SLCO3A1: variants seen among roughly 807,000 people sequenced by gnomAD.
SLCO3A1 encodes solute carrier organic anion transporter family member 3A1.
SLCO3A1 carries 27 observed loss-of-function variants against 63.1 expected under a neutral mutation model. That is an observed-to-expected ratio of 0.43 (90% CI 0.32 to 0.59). The LOEUF is 0.59. Ranked by LOEUF, SLCO3A1 falls within the 20% of genes least tolerant of loss-of-function variation. The pLI is 0.09. For synonymous variants in SLCO3A1, 473 were observed against 409.9 expected (o/e 1.15, Z -1.86); for missense variants, 773 against 945.8 (o/e 0.82, Z 2.40).
At chr15:92,052,137 A>C (rs1004107635) in intron 2 of SLCO3A1, among the ~76,000 whole-genome samples, 1 of 152,040 alleles carries the variant, frequency 6.6e-6, no homozygotes, top group Non-Finnish European at 1.5e-5. Context: ...CAAGCTGCTG[A>C]GTGTGCACAG....
intron 2 of SLCO3A1, among the ~76,000 whole-genome samples, chr15:92,012,990 C>G (rs990200079): frequency 6.6e-6 from 1 of 152,118 alleles, no homozygotes; most frequent in Non-Finnish European, 1.5e-5. Flanking sequence ...ATTAAAAGAC[C>G]CTGCGTCACA....
rs919717947 is a variant in SLCO3A1, at chr15:91,863,815, T to C, written c.180+9727T>C. ...TCCTGACTTATTGTGTGGCATGTCGTGTCGCCTCCCCAGTGCTGGTACATA... is the reference window on the plus strand; with the variant it reads ...TCCTGACTTATTGTGTGGCATGTCGCGTCGCCTCCCCAGTGCTGGTACATA... On this transcript the variant is annotated intron_variant, in intron 1 of 9. Transcript: ENST00000318445. The surrounding 1 kb of genome is among the most constrained non-coding windows in gnomAD (Gnocchi z 4.3). Among the ~76,000 whole-genome samples, 6 of 152,220 alleles carry C rather than the reference T, an allele frequency of 3.9e-5. No individual in the cohort carries two copies. Among genetic ancestry groups the C allele is most frequent in the African/African-American group, 1.4e-4 (6 of 41,458 alleles).
Position 91,916,440 on chromosome 15 carries a change from G to A in SLCO3A1, c.628G>A (p.Asp210Asn), listed in dbSNP as rs769549625. The change falls in exon 2 of 10, where the codon GAC (aspartate) becomes AAC (asparagine). Residue 210 changes from aspartate to asparagine, a missense_variant. This residue lies in a region of SLCO3A1 where 565 missense variants were observed against 749.8 expected (regional missense o/e 0.75). Transcript: ENST00000318445. The surrounding 1 kb of genome is among the most constrained non-coding windows in gnomAD (Gnocchi z 6.2). ...CATCGACGACCACGTGCGGAGGAAG[G>A]ACTCCTCGCTCTATATAGGTAGGAG... is the stretch of plus-strand genomic sequence containing the variant. ...SYIDDHVRRKDSSLYIGILFT... is the reference protein window; with the variant it reads ...SYIDDHVRRKNSSLYIGILFT... The A allele has an allele frequency of 6.2e-7, 1 of 1,610,140 alleles. No individual in the cohort carries two copies. Among genetic ancestry groups the A allele is most frequent in the Non-Finnish European group, 8.5e-7 (1 of 1,178,432 alleles).
intron 5 of SLCO3A1, among the ~76,000 whole-genome samples, chr15:92,121,149 A>C (rs936204458): frequency 6.6e-6 from 1 of 152,108 alleles, no homozygotes; most frequent in African/African-American, 2.4e-5. Context: ...ACAGGTTTCT[A>C]CTCCCAATTG....
intron 4 of SLCO3A1, among the ~76,000 whole-genome samples, chr15:92,111,490 T>C (rs2047729327): frequency 6.6e-6 from 1 of 152,172 alleles, no homozygotes; most frequent in African/African-American, 2.4e-5. Flanking sequence ...GGAGACCATA[T>C]GCCCTCCCAA....
rs1400343474 is a variant in SLCO3A1 at position 91,865,919 on chromosome 15, A to G, written c.180+11831A>G. 2.0e-5 allele frequency among the ~76,000 whole-genome samples: 3 copies of G among 152,248 alleles called. No individual in the cohort carries two copies. The highest frequency in any genetic ancestry group is 7.2e-5 in the African/African-American group (3 of 41,476). ...AACAGTCTGTGTGTACAAAGAAAAC[A>G]AAGGCAAACTCTGTCTTCTTAAGTG... On this transcript the variant is annotated intron_variant, in intron 1 of 9. Coordinates refer to ENST00000318445, the MANE Select transcript of SLCO3A1 (RefSeq NM_013272.4). This position sits in a 1 kb window ranked among gnomAD's most constrained non-coding sequence, Gnocchi z 4.6.
intron 2 of SLCO3A1, among the ~76,000 whole-genome samples, chr15:92,057,107 C>T (rs1435950881): frequency 6.6e-6 from 1 of 152,214 alleles, no homozygotes; most frequent in Non-Finnish European, 1.5e-5. Flanking sequence ...TCTGCTGTGC[C>T]CGTCTCAGGA....
At chr15:92,089,444 C>T (rs1016801948) in intron 2 of SLCO3A1, among the ~76,000 whole-genome samples, 8 of 152,206 alleles carry the variant, frequency 5.3e-5, no homozygotes, top group African/African-American at 1.9e-4. Flanking sequence ...GGTACTGCTC[C>T]TGATATCATG....
intron 2 of SLCO3A1, among the ~76,000 whole-genome samples, chr15:91,990,523 T>C (rs554196041): frequency 2.0e-5 from 3 of 152,180 alleles, no homozygotes; most frequent in East Asian, 3.9e-4. Context: ...TAAGGCACTG[T>C]TCTTAACCCT....
chr15:91,953,308 C>T (rs1900059697), intron 2 of SLCO3A1, among the ~76,000 whole-genome samples: 1 of 152,206 alleles, frequency 6.6e-6, no homozygotes, highest in Admixed American at 6.5e-5. Context: ...GGGAACTATG[C>T]TATGGCTGGG....
At chr15:92,036,217 C>T (rs1227988637) in intron 2 of SLCO3A1, among the ~76,000 whole-genome samples, 1 of 152,158 alleles carries the variant, frequency 6.6e-6, no homozygotes, top group Admixed American at 6.5e-5. Context: ...GGAGCACATT[C>T]TTTTCTGATT....
At chr15:91,972,122 G>C (rs1162221991) in intron 2 of SLCO3A1, among the ~76,000 whole-genome samples, 2 of 152,150 alleles carry the variant, frequency 1.3e-5, no homozygotes, top group African/African-American at 4.8e-5. Flanking sequence ...GGGTGAGGGA[G>C]AGGGTTTTAT....
In SLCO3A1 at chr15:92,165,101, G is replaced by C; in HGVS notation, c.*1966G>C. On this transcript the variant is annotated 3_prime_UTR_variant, in exon 10 of 10. Transcript: ENST00000318445. ...ATTTTTAATGAACATTGTAAATGAA[G>C]AGGCTTGAATGACAGCCCAAATCTA... The C allele has an allele frequency of 1.0e-6, 1 of 985,364 alleles. No homozygotes were observed. The highest frequency in any genetic ancestry group is 1.2e-6 in the Non-Finnish European group (1 of 829,874). The allele number at this position is 985,364 out of a possible 1,614,324, so 61.0% of individuals were successfully genotyped here.
intron 2 of SLCO3A1, among the ~76,000 whole-genome samples, chr15:92,043,288 G>A (rs2046820743): frequency 6.6e-6 from 1 of 152,208 alleles, no homozygotes; most frequent in Admixed American, 6.5e-5. Context: ...TTCATGGACG[G>A]CATTGCCCAT....
intron 9 of SLCO3A1, among the ~76,000 whole-genome samples, chr15:92,159,063 A>G (rs2048405558): frequency 6.6e-6 from 1 of 152,150 alleles, no homozygotes; most frequent in East Asian, 1.9e-4. Context: ...ACACTCACAC[A>G]CACACCTCAT....
chr15:91,869,425 A>G (rs547452137), intron 1 of SLCO3A1, among the ~76,000 whole-genome samples: 2 of 151,814 alleles, frequency 1.3e-5, no homozygotes, highest in East Asian at 3.9e-4. Flanking sequence ...AATCCCAGCT[A>G]CTCAGGAGGC....
chr15:92,030,190 T>C (rs1018347554), intron 2 of SLCO3A1, among the ~76,000 whole-genome samples: 5 of 152,212 alleles, frequency 3.3e-5, no homozygotes, highest in African/African-American at 1.2e-4. Flanking sequence ...CCCCAAAGGG[T>C]TAGTTGGTTT....
chr15:91,885,275 G>C lies in SLCO3A1; in HGVS notation c.181-30718G>C, dbSNP rs1897695430. Among the ~76,000 whole-genome samples, 7 of 152,160 alleles carry C rather than the reference G, an allele frequency of 4.6e-5. No individual in the cohort carries two copies. Among genetic ancestry groups the C allele is most frequent in the Admixed American group, 4.6e-4 (7 of 15,280 alleles). On this transcript the variant is annotated intron_variant, in intron 1 of 9. Coordinates refer to ENST00000318445, the MANE Select transcript of SLCO3A1 (RefSeq NM_013272.4). This position sits in a 1 kb window ranked among gnomAD's most constrained non-coding sequence, Gnocchi z 4.7. Reference sequence around the variant, plus strand: ...TTTTCTCACCATCTTCCTTCTCCAGGGCTACCTCCTGAGGGCTCACTCCTT... The same window carrying C: ...TTTTCTCACCATCTTCCTTCTCCAGCGCTACCTCCTGAGGGCTCACTCCTT...
Position 92,126,042 on chromosome 15 carries a change from C to A in SLCO3A1, c.1175-19C>A, listed in dbSNP as rs1276180805. On this transcript the variant is annotated intron_variant, in intron 5 of 9. Coordinates refer to ENST00000318445, the MANE Select transcript of SLCO3A1 (RefSeq NM_013272.4). Reference sequence around the variant, plus strand: ...CCACCTTCCCTGTTCACAGCCCTGCCCCTCTATTTTCCTTCCAGGGATGAC... The same window carrying A: ...CCACCTTCCCTGTTCACAGCCCTGCACCTCTATTTTCCTTCCAGGGATGAC... 3.1e-6 allele frequency: 5 copies of A among 1,610,182 alleles called. No individual in the cohort carries two copies. The South Asian group carries it at 5.5e-5, about 18-fold the overall frequency.
Sources: allele counts gnomAD v4.1 joint callset (sites outside exome capture counted in the v4.1 genomes callset), GRCh38; gene constraint gnomAD v4.1.1; regional missense constraint gnomAD v4.1.1; non-coding constraint Gnocchi (gnomAD v3.1); transcripts MANE v1.5; gene names NCBI Gene and HGNC (gene_info 2026-07-23, HGNC 2026-07-21).